DYM: variants seen among roughly 807,000 people sequenced by gnomAD.
DYM encodes dymeclin.
DYM carries 78 observed loss-of-function variants against 93.1 expected under a neutral mutation model. The observed-to-expected ratio is 0.84, with a 90% confidence interval of 0.70 to 1.01. The LOEUF (loss-of-function observed/expected upper bound fraction) is 1.01. Ranked by LOEUF, DYM falls within the 50% of genes least tolerant of loss-of-function variation. The pLI is 0.00. For synonymous variants in DYM, 321 were observed against 319.7 expected, an observed-to-expected ratio of 1.00 and a Z score of -0.04; for missense variants, 789 against 845.0, an observed-to-expected ratio of 0.93 and a Z score of 0.82.
intron 5 of DYM, among the ~76,000 whole-genome samples, chr18:49,375,253 G>T: frequency 6.9e-6 from 1 of 145,892 alleles, no homozygotes; most frequent in African/African-American, 2.6e-5. Context: ...TTGGGCTTTA[G>T]AAGAAAAAAA....
At chr18:49,364,462 A>G (rs1232088706) in intron 5 of DYM, among the ~76,000 whole-genome samples, 2 of 151,878 alleles carry the variant, frequency 1.3e-5, no homozygotes, top group Admixed American at 1.3e-4. Context: ...AAAAAGAAAG[A>G]AAGAAAGAAA....
chr18:49,365,026 T>C (rs568177542), intron 5 of DYM, among the ~76,000 whole-genome samples: 14 of 152,256 alleles, frequency 9.2e-5, no homozygotes, highest in African/African-American at 3.4e-4. Context: ...CTGGACTCTA[T>C]ACTTCTAGAG....
At chr18:49,398,258 C>T (rs1252228803) in intron 2 of DYM, among the ~76,000 whole-genome samples, 7 of 152,152 alleles carry the variant, frequency 4.6e-5, no homozygotes, top group Non-Finnish European at 8.8e-5. Flanking sequence ...GCCAGCCTTA[C>T]AATGTCTCTC....
At chr18:49,166,286 GTCTA>G in intron 14 of DYM, among the ~76,000 whole-genome samples, 1 of 151,946 alleles carries the variant, frequency 6.6e-6, no homozygotes, top group Admixed American at 6.6e-5. Context: ...CTTTCACTTT[GTCTA>G]TCTAACAATA....
At chr18:49,154,964 T>C (rs996914677) in intron 15 of DYM, among the ~76,000 whole-genome samples, 1 of 152,242 alleles carries the variant, frequency 6.6e-6, no homozygotes, top group Non-Finnish European at 1.5e-5. Context: ...ATAAAGTATT[T>C]TTCTTACTGG....
At chr18:49,178,495 G>A (rs971392054) in intron 14 of DYM, among the ~76,000 whole-genome samples, 1 of 152,100 alleles carries the variant, frequency 6.6e-6, no homozygotes, top group African/African-American at 2.4e-5. Flanking sequence ...TTAAGGTGGC[G>A]CTTTAGTGAA....
intron 8 of DYM, among the ~76,000 whole-genome samples, chr18:49,303,762 T>C (rs1403384077): frequency 6.6e-6 from 1 of 152,254 alleles, no homozygotes; most frequent in Non-Finnish European, 1.5e-5. Flanking sequence ...GCATAAAGTA[T>C]GTATCTTTCA....
intron 16 of DYM, among the ~76,000 whole-genome samples, chr18:49,108,772 A>G (rs2081118982): frequency 6.6e-6 from 1 of 151,864 alleles, no homozygotes; most frequent in Non-Finnish European, 1.5e-5. Context: ...ATCATCACAA[A>G]TTTTCTGTTT....
intron 8 of DYM, among the ~76,000 whole-genome samples, chr18:49,325,352 T>A (rs995721020): frequency 6.6e-6 from 1 of 152,232 alleles, no homozygotes; most frequent in East Asian, 1.9e-4. Context: ...CCTAGTTACA[T>A]TCACTTTTGT....
intron 2 of DYM, among the ~76,000 whole-genome samples, chr18:49,395,491 TGG>T (rs1413207175): frequency 6.6e-6 from 1 of 151,764 alleles, no homozygotes; most frequent in Non-Finnish European, 1.5e-5. Context: ...AAGCCAGGTG[TGG>T]TGGCTCATGC....
intron 2 of DYM, among the ~76,000 whole-genome samples, chr18:49,428,176 G>A (rs562615644): frequency 3.3e-5 from 5 of 150,838 alleles, no homozygotes; most frequent in South Asian, 4.2e-4. Flanking sequence ...AGCCAGTCAC[G>A]GCGGGGCGCA....
intron 10 of DYM, among the ~76,000 whole-genome samples, chr18:49,277,676 T>C (rs374839969): frequency 1.3e-5 from 2 of 152,200 alleles, no homozygotes; most frequent in Non-Finnish European, 1.5e-5. Flanking sequence ...TATATGACTA[T>C]TGACAAACCA....
At chr18:49,408,554 T>C (rs2071805370) in intron 2 of DYM, among the ~76,000 whole-genome samples, 1 of 152,222 alleles carries the variant, frequency 6.6e-6, no homozygotes, top group Non-Finnish European at 1.5e-5. Context: ...CTTCCACACA[T>C]TGCTAGATTT....
At chr18:49,403,919 C>T (rs2071144353) in intron 2 of DYM, among the ~76,000 whole-genome samples, 1 of 152,180 alleles carries the variant, frequency 6.6e-6, no homozygotes, top group South Asian at 2.1e-4. Context: ...GATATGAATT[C>T]ATTCCTTTTA....
At chr18:49,068,451 C>T (rs749874237) in intron 17 of DYM, among the ~76,000 whole-genome samples, 5 of 152,154 alleles carry the variant, frequency 3.3e-5, no homozygotes, top group Admixed American at 6.5e-5. Context: ...AAAGCATTTC[C>T]CACAAATCCT....
chr18:49,123,208 G>A (rs549612817), intron 15 of DYM, among the ~76,000 whole-genome samples: 15 of 151,764 alleles, frequency 9.9e-5, no homozygotes, highest in Admixed American at 3.3e-4. Flanking sequence ...GTTAATTTCC[G>A]CATGTATTTT....
chr18:49,276,816 T>C (rs1048875313), intron 10 of DYM, among the ~76,000 whole-genome samples: 3 of 152,102 alleles, frequency 2.0e-5, no homozygotes, highest in Non-Finnish European at 4.4e-5. Context: ...ATACTCACTC[T>C]GGAAACAGGA....
chr18:49,337,922 A>G (rs570852445), intron 6 of DYM, among the ~76,000 whole-genome samples: 2 of 152,322 alleles, frequency 1.3e-5, no homozygotes, highest in East Asian at 3.9e-4. Context: ...GTAGTTTTGA[A>G]GGAAAATAAG....
chr18:49,456,184 T>C (rs1457902193), intron 1 of DYM, among the ~76,000 whole-genome samples: 1 of 152,178 alleles, frequency 6.6e-6, no homozygotes, highest in Non-Finnish European at 1.5e-5. Flanking sequence ...GGCCATACTT[T>C]AGGGTTAACA....
Sources: allele counts gnomAD v4.1 joint callset (sites outside exome capture counted in the v4.1 genomes callset), GRCh38; gene constraint gnomAD v4.1.1; transcripts MANE v1.5; gene names NCBI Gene and HGNC (gene_info 2026-07-23, HGNC 2026-07-21).